ETV6: variants seen among roughly 807,000 people sequenced by gnomAD.
ETV6 encodes the protein ETS variant transcription factor 6.
ETV6 carries 16 observed loss-of-function variants against 51.1 expected under a neutral mutation model. The observed-to-expected ratio is 0.31, with a 90% CI of 0.21 to 0.48. The LOEUF (loss-of-function observed/expected upper bound fraction) is 0.48. Ranked by LOEUF, ETV6 falls within the 20% of genes least tolerant of loss-of-function variation. The probability of loss-of-function intolerance (pLI) is 0.99; values close to 1 mark genes in which losing one functional copy is unlikely to be tolerated. For missense variants in ETV6, 458 were observed against 594.8 expected (o/e 0.77, Z 2.39); for synonymous variants, 240 against 224.1 (o/e 1.07, Z -0.64).
chr12:11,687,719 A>G (rs1411343226), intron 1 of ETV6, among the ~76,000 whole-genome samples: 1 of 152,048 alleles, frequency 6.6e-6, no homozygotes, highest in Non-Finnish European at 1.5e-5. Flanking sequence ...AGAAAAGCAC[A>G]TAAGCTGTAG....
chr12:11,815,112 C>T (rs2136426133), intron 2 of ETV6, among the ~76,000 whole-genome samples: 1 of 152,318 alleles, frequency 6.6e-6, no homozygotes, highest in East Asian at 1.9e-4. Flanking sequence ...GAATAGGATA[C>T]CTACTTAGGA....
intron 2 of ETV6, among the ~76,000 whole-genome samples, chr12:11,759,838 A>G (rs1945058729): frequency 6.6e-6 from 1 of 152,226 alleles, no homozygotes; most frequent in Non-Finnish European, 1.5e-5. Context: ...GCATTGGTTG[A>G]GCTGAGTATA....
intron 2 of ETV6, among the ~76,000 whole-genome samples, chr12:11,806,771 C>G (rs73052030): frequency 6.6e-6 from 1 of 152,130 alleles, no homozygotes; most frequent in African/African-American, 2.4e-5. Flanking sequence ...GGATAAATAG[C>G]AAGTTTCAGG....
chr12:11,668,036 T>A (rs1864229043), intron 1 of ETV6, among the ~76,000 whole-genome samples: 1 of 151,952 alleles, frequency 6.6e-6, no homozygotes, highest in South Asian at 2.1e-4. Context: ...GGTCTCACTA[T>A]GTTGCCTGGC....
At chr12:11,813,294 G>T (rs1037861169) in intron 2 of ETV6, among the ~76,000 whole-genome samples, 10 of 148,250 alleles carry the variant, frequency 6.7e-5, no homozygotes, top group African/African-American at 2.2e-4. Context: ...CAGCCCACCC[G>T]CCAGGGGCAC....
intron 2 of ETV6, among the ~76,000 whole-genome samples, chr12:11,774,942 C>T (rs1420885777): frequency 1.3e-5 from 2 of 152,212 alleles, no homozygotes; most frequent in Non-Finnish European, 2.9e-5. Flanking sequence ...AGACCTTCCT[C>T]TTGCTATGTG....
At chr12:11,884,935 G>A (rs1947162784) in intron 6 of ETV6, among the ~76,000 whole-genome samples, 2 of 152,124 alleles carry the variant, frequency 1.3e-5, no homozygotes, top group South Asian at 4.1e-4. Context: ...GACTCACAGG[G>A]GACCTTTGGG....
chr12:11,871,090 A>G (rs1640268419), intron 5 of ETV6, among the ~76,000 whole-genome samples: 1 of 152,028 alleles, frequency 6.6e-6, no homozygotes, highest in African/African-American at 2.4e-5. Flanking sequence ...CCCTGAGCCC[A>G]TGACCCGGTG....
intron 2 of ETV6, among the ~76,000 whole-genome samples, chr12:11,794,143 G>T (rs567231908): frequency 6.6e-6 from 1 of 152,298 alleles, no homozygotes; most frequent in South Asian, 2.1e-4. Flanking sequence ...CAGAGAAGGA[G>T]CAGTAAAGCC....
chr12:11,856,229 C>G (rs1946631500), intron 4 of ETV6, among the ~76,000 whole-genome samples: 2 of 152,128 alleles, frequency 1.3e-5, no homozygotes, highest in Non-Finnish European at 2.9e-5. Flanking sequence ...TACAGATGTG[C>G]CACCGCATAC....
intron 5 of ETV6, among the ~76,000 whole-genome samples, chr12:11,871,157 T>G (rs1946874930): frequency 6.6e-6 from 1 of 151,042 alleles, no homozygotes; most frequent in African/African-American, 2.4e-5. Flanking sequence ...AAGAACAGGC[T>G]CCTACAAGCC....
intron 2 of ETV6, among the ~76,000 whole-genome samples, chr12:11,817,462 A>G (rs1397898612): frequency 6.6e-6 from 1 of 152,224 alleles, no homozygotes; most frequent in African/African-American, 2.4e-5. Context: ...TTAGGAAGAA[A>G]TAAGAACCAA....
At chr12:11,883,117 GCTC>G (rs1263371099) in intron 5 of ETV6, among the ~76,000 whole-genome samples, 3 of 152,094 alleles carry the variant, frequency 2.0e-5, no homozygotes, top group Non-Finnish European at 4.4e-5. Flanking sequence ...AATTGGTGCT[GCTC>G]CTCATCTGGA....
intron 1 of ETV6, among the ~76,000 whole-genome samples, chr12:11,663,955 A>C (rs1303302015): frequency 6.6e-6 from 1 of 152,260 alleles, no homozygotes; most frequent in Non-Finnish European, 1.5e-5. Flanking sequence ...AAAAAGCTTC[A>C]GTGTGTTTTT....
At chr12:11,819,401 TCCTCTGG>T (rs764784363) in intron 2 of ETV6, among the ~76,000 whole-genome samples, 5 of 152,216 alleles carry the variant, frequency 3.3e-5, no homozygotes, top group Non-Finnish European at 7.4e-5. Flanking sequence ...CTAAATGTTT[TCCTCTGG>T]AAAACTCACC....
At chr12:11,750,398 A>G (rs962906409) in intron 1 of ETV6, among the ~76,000 whole-genome samples, 1 of 152,332 alleles carries the variant, frequency 6.6e-6, no homozygotes, top group Non-Finnish European at 1.5e-5. Context: ...GAGTTGGGGC[A>G]GGCGGGGATG....
rs145897096 is a variant in ETV6 at position 11,723,562 on chromosome 12, T to G, written c.34-28888T>G. 9.6e-4 allele frequency among the ~76,000 whole-genome samples: 146 copies of G among 152,232 alleles called. 1 individual carries two copies. The highest frequency in any genetic ancestry group is 3.3e-3 in the African/African-American group (138 of 41,518). On this transcript the variant is annotated intron_variant, in intron 1 of 7. Transcript: ENST00000396373. ...GAGTTTTTTCAGGACTGTTCACCTGTTCTTTGCCTTTTATTCCAGCGTGGT... is the reference window on the plus strand; with the variant it reads ...GAGTTTTTTCAGGACTGTTCACCTGGTCTTTGCCTTTTATTCCAGCGTGGT...
At chr12:11,841,391 A>G (rs988897947) in intron 3 of ETV6, among the ~76,000 whole-genome samples, 5 of 152,126 alleles carry the variant, frequency 3.3e-5, no homozygotes, top group Non-Finnish European at 7.4e-5. Flanking sequence ...GTGTCGGGAG[A>G]GAAGGAATGG....
rs1448496963 is a variant in ETV6, at chr12:11,780,470, G to A, written c.163+27891G>A. ...CAACTTAATCACAGAGAAAAAAAAAGCTTTTATTGGAGGTATATTGGGCAG... is the reference window on the plus strand; with the variant it reads ...CAACTTAATCACAGAGAAAAAAAAAACTTTTATTGGAGGTATATTGGGCAG... On this transcript the variant is annotated intron_variant, in intron 2 of 7. Coordinates refer to ENST00000396373, the MANE Select transcript of ETV6 (RefSeq NM_001987.5). Among the ~76,000 whole-genome samples the A allele has an allele frequency of 2.6e-5, 4 of 152,046 alleles. No individual in the cohort carries two copies. In the East Asian group the frequency reaches 7.7e-4, roughly 29 times the overall value.
Sources: gnomAD v4.1 joint callset for allele counts (sites outside exome capture counted in the v4.1 genomes callset) on GRCh38, gnomAD v4.1.1 for gene constraint, MANE v1.5 for transcripts, NCBI Gene and HGNC (gene_info 2026-07-23, HGNC 2026-07-21) for gene names.